STEAP1B: variants seen among roughly 807,000 people sequenced by gnomAD.
STEAP1B encodes STEAP family protein MGC87042.
A neutral mutation model predicts 27.9 loss-of-function variants in STEAP1B; 13 were observed. That is an observed-to-expected ratio of 0.47 (90% confidence interval 0.30 to 0.74). STEAP1B has a LOEUF of 0.74. STEAP1B is among the 30% of genes least tolerant of loss of function. STEAP1B has a pLI of 0.06. For synonymous variants in STEAP1B, 86 were observed against 107.1 expected (o/e 0.80, Z 1.22); for missense variants, 250 against 298.7 (o/e 0.84, Z 1.20).
intron 4 of STEAP1B, among the ~76,000 whole-genome samples, chr7:22,458,452 G>T (rs1354656034): frequency 6.6e-6 from 1 of 151,964 alleles, no homozygotes; most frequent in Non-Finnish European, 1.5e-5. Flanking sequence ...TGGCTTGCGA[G>T]ATCCAACACA....
chr7:22,430,798 G>A (rs186279933), intron 4 of STEAP1B, among the ~76,000 whole-genome samples: 3 of 152,346 alleles, frequency 2.0e-5, no homozygotes, highest in Admixed American at 2.0e-4. Context: ...AAGCCCGTCA[G>A]ACAGACACAT....
chr7:22,430,113 C>G (rs1785158031), intron 4 of STEAP1B, among the ~76,000 whole-genome samples: 1 of 152,200 alleles, frequency 6.6e-6, no homozygotes, highest in Non-Finnish European at 1.5e-5. Context: ...CTTTATAATA[C>G]AGACATATAT....
rs531742626 is a variant in STEAP1B, at chr7:22,476,362, T to C, written c.762+16203A>G. Among the ~76,000 whole-genome samples, 8 of 152,244 alleles carry C rather than the reference T, an allele frequency of 5.3e-5. No homozygotes were observed. The South Asian group carries it at 1.7e-3, about 32-fold the overall frequency. ...TTAGCAGGAAACTTATACACAGGGA[T>C]GGCCCAGTGGCAGCAGGCTGGACAA... On this transcript the variant is annotated intron_variant, in intron 4 of 4. Coordinates refer to ENST00000678116, the MANE Select transcript of STEAP1B (RefSeq NM_001382447.1).
intron 4 of STEAP1B, among the ~76,000 whole-genome samples, chr7:22,437,604 C>T (rs1785271025): frequency 6.6e-6 from 1 of 152,150 alleles, no homozygotes; most frequent in East Asian, 1.9e-4. Flanking sequence ...ATTTCATTTC[C>T]TTTGGATATG....
intron 4 of STEAP1B, among the ~76,000 whole-genome samples, chr7:22,429,685 T>G (rs563302112): frequency 6.6e-6 from 1 of 152,314 alleles, no homozygotes; most frequent in African/African-American, 2.4e-5. Context: ...AATTAAAAAC[T>G]TATGAATTGT....
At chr7:22,440,420 G>A (rs1479962774) in intron 4 of STEAP1B, among the ~76,000 whole-genome samples, 2 of 152,144 alleles carry the variant, frequency 1.3e-5, no homozygotes, top group East Asian at 3.8e-4. Flanking sequence ...TGTAATATCT[G>A]ATGGGGTATC....
At chr7:22,436,700 C>T (rs1785259444) in intron 4 of STEAP1B, among the ~76,000 whole-genome samples, 1 of 152,188 alleles carries the variant, frequency 6.6e-6, no homozygotes, top group Non-Finnish European at 1.5e-5. Context: ...CAGCTCCATT[C>T]ATGTCCCTGT....
intron 4 of STEAP1B, among the ~76,000 whole-genome samples, chr7:22,490,110 A>G (rs1049024614): frequency 6.6e-5 from 10 of 152,160 alleles, no homozygotes; most frequent in African/African-American, 1.7e-4. Flanking sequence ...AAACAATCCA[A>G]AAGATCTTTT....
intron 4 of STEAP1B, among the ~76,000 whole-genome samples, chr7:22,454,863 A>T (rs60759914): frequency 0.014 from 1,040 of 75,062 alleles, 30 homozygotes; most frequent in African/African-American, 0.046. Flanking sequence ...ATATATATAT[A>T]TATTTTTTTT....
chr7:22,431,211 G>A (rs1288137420), intron 4 of STEAP1B, among the ~76,000 whole-genome samples: 1 of 152,182 alleles, frequency 6.6e-6, no homozygotes, highest in East Asian at 1.9e-4. Flanking sequence ...CAACACCAAA[G>A]ATACAGCTTC....
chr7:22,427,006 G>T (rs537755335), intron 4 of STEAP1B, among the ~76,000 whole-genome samples: 1 of 152,150 alleles, frequency 6.6e-6, no homozygotes, highest in Non-Finnish European at 1.5e-5. Context: ...TTGAGGGGAC[G>T]TCAAGTACAA....
intron 4 of STEAP1B, among the ~76,000 whole-genome samples, chr7:22,425,273 A>C (rs1785091766): frequency 6.6e-6 from 1 of 152,224 alleles, no homozygotes; most frequent in Admixed American, 6.5e-5. Context: ...ACTTTTTAAA[A>C]CAACTAACTG....
At chr7:22,498,195 C>T (rs865792499) in intron 1 of STEAP1B, among the ~76,000 whole-genome samples, 11 of 152,192 alleles carry the variant, frequency 7.2e-5, no homozygotes, top group Admixed American at 5.9e-4. Flanking sequence ...TACCAGTCTG[C>T]GGCCAGGGGG....
At chr7:22,430,086 A>G (rs1242232603) in intron 4 of STEAP1B, among the ~76,000 whole-genome samples, 1 of 152,212 alleles carries the variant, frequency 6.6e-6, no homozygotes, top group African/African-American at 2.4e-5. Context: ...CTGGTTGTGG[A>G]TATGTGGGCA....
intron 4 of STEAP1B, among the ~76,000 whole-genome samples, chr7:22,478,929 G>A (rs1314011345): frequency 1.3e-5 from 2 of 152,124 alleles, no homozygotes; most frequent in East Asian, 3.9e-4. Flanking sequence ...AGGAAGAGGT[G>A]CACGGTGCAA....
At chr7:22,480,968 G>C (rs1397356136) in intron 4 of STEAP1B, among the ~76,000 whole-genome samples, 1 of 152,206 alleles carries the variant, frequency 6.6e-6, no homozygotes, top group Non-Finnish European at 1.5e-5. Flanking sequence ...TGTCTCTGAG[G>C]TTATGTTCAT....
intron 4 of STEAP1B, among the ~76,000 whole-genome samples, chr7:22,421,016 A>T (rs1785036746): frequency 6.6e-6 from 1 of 152,252 alleles, no homozygotes; most frequent in African/African-American, 2.4e-5. Flanking sequence ...ACATACTAGA[A>T]GAATAAGAAA....
intron 1 of STEAP1B, among the ~76,000 whole-genome samples, chr7:22,498,956 C>G (rs1266603259): frequency 4.6e-5 from 7 of 152,208 alleles, no homozygotes; most frequent in Admixed American, 4.6e-4. Context: ...CCACACTCAA[C>G]TCTATGCCCA....
intron 4 of STEAP1B, among the ~76,000 whole-genome samples, chr7:22,425,808 T>G (rs1272875027): frequency 1.3e-5 from 2 of 152,236 alleles, no homozygotes; most frequent in Admixed American, 6.5e-5. Flanking sequence ...CTTTCAGATT[T>G]GACTTCTAGA....
Sources: allele counts gnomAD v4.1 joint callset (sites outside exome capture counted in the v4.1 genomes callset), GRCh38; gene constraint gnomAD v4.1.1; transcripts MANE v1.5; gene names NCBI Gene and HGNC (gene_info 2026-07-23, HGNC 2026-07-21).